Variants in ERCC3 observed in about 807,000 individuals in gnomAD.
ERCC3 encodes the protein ERCC excision repair 3, TFIIH core complex helicase subunit.
In ERCC3, 66 loss-of-function variants were observed where a neutral mutation model predicts 94.2. The ratio of observed to expected loss-of-function variants is 0.70; its 90% CI spans 0.57 to 0.86. The LOEUF (loss-of-function observed/expected upper bound fraction) is 0.86, where lower values mean the gene tolerates loss of function less well. Among genes scored for constraint, ERCC3 ranks in the 40% least tolerant of loss-of-function variants. The pLI is 0.00. For missense variants in ERCC3, 829 were observed against 987.1 expected (o/e 0.84, Z 2.15); for synonymous variants, 349 against 369.1 (o/e 0.95, Z 0.63).
intron 12 of ERCC3, among the ~76,000 whole-genome samples, chr2:127,268,419 C>G (rs1339761756): frequency 6.6e-6 from 1 of 152,054 alleles, no homozygotes; most frequent in Non-Finnish European, 1.5e-5. Context: ...CCACCACACC[C>G]AGCTAGCTAA....
At chr2:127,262,306 A>G (rs944310794) in intron 12 of ERCC3, 1 of 152,270 alleles carries the variant, frequency 6.6e-6, no homozygotes, top group African/African-American at 2.4e-5. Flanking sequence ...CAGCCTGGCC[A>G]ACATGGTGAA....
chr2:127,262,963 G>A (rs1684241244), intron 12 of ERCC3: 1 of 152,138 alleles, frequency 6.6e-6, no homozygotes, highest in Non-Finnish European at 1.5e-5. Flanking sequence ...AACATCAGTT[G>A]GCTGCAGGTA....
rs371359477 is a variant in ERCC3 at position 127,279,123 on chromosome 2, A to G, written c.1730+50T>C. On this transcript the variant is annotated intron_variant, in intron 10 of 14. Coordinates refer to ENST00000285398, the MANE Select transcript of ERCC3 (RefSeq NM_000122.2). This position sits in a 1 kb window ranked among gnomAD's most constrained non-coding sequence, Gnocchi z 4.7. ...ACAACAGCCACCTTCTGCACTCTCA[A>G]TGGGGAAGAGAAACTGGCCTGGAGG... The G allele has an allele frequency of 2.0e-5, 26 of 1,278,404 alleles. No homozygotes were observed. Among genetic ancestry groups the G allele is most frequent in the Admixed American group, 5.1e-5 (3 of 58,866 alleles). 79.2% of individuals were successfully genotyped at this position (1,278,404 alleles called of 1,614,324 possible).
intron 10 of ERCC3, among the ~76,000 whole-genome samples, chr2:127,273,193 T>C (rs1684619447): frequency 6.6e-6 from 1 of 152,232 alleles, no homozygotes. Flanking sequence ...CTTTCCATTT[T>C]TCGTTTTCTT....
At chr2:127,293,888 C>A (rs939920359) in intron 1 of ERCC3, 166 bp downstream of exon 1, 14 of 1,526,168 alleles carry the variant, frequency 9.2e-6, no homozygotes, top group Non-Finnish European at 1.2e-5. Flanking sequence ...CGCTGGGCTG[C>A]GCCCAGGTCC....
chr2:127,276,756 C>T (rs1159056214), intron 10 of ERCC3, among the ~76,000 whole-genome samples: 1 of 106,326 alleles, frequency 9.4e-6, no homozygotes, highest in African/African-American at 3.7e-5. Context: ...ATACTGAGTG[C>T]CCATCACGAT....
rs371150720 is a variant in ERCC3 at position 127,286,630 on chromosome 2, C to G, written c.1342+73G>C. On this transcript the variant is annotated intron_variant, in intron 8 of 14. Transcript: ENST00000285398. ...CAGTTGGGTGGGCTACACAGCAGTC[C>G]CTTTCCCAACCTAACAACTGGAAAT... The G allele has an allele frequency of 3.8e-4, 542 of 1,440,934 alleles. 3 individuals carry two copies. The African/African-American group carries it at 7.2e-3, about 19-fold the overall frequency. 89.3% of individuals were successfully genotyped at this position (1,440,934 alleles called of 1,614,324 possible).
At chr2:127,266,004 A>G (rs566706773) in intron 12 of ERCC3, among the ~76,000 whole-genome samples, 12 of 151,762 alleles carry the variant, frequency 7.9e-5, no homozygotes, top group African/African-American at 2.9e-4. Flanking sequence ...GTTTCAAATA[A>G]TTTTTGATTC....
chr2:127,271,857 T>C lies in ERCC3; in HGVS notation c.1828-404A>G, dbSNP rs1372724338. ...ACTGACACCAGCAGCACACGTGGGA[T>C]GTGACCTGGGAGGAACAACTGCCCC... On this transcript the variant is annotated intron_variant, in intron 11 of 14. Transcript: ENST00000285398. This position sits in a 1 kb window ranked among gnomAD's most constrained non-coding sequence, Gnocchi z 5.0. Among the ~76,000 whole-genome samples the C allele has an allele frequency of 1.3e-5, 2 of 152,142 alleles. No homozygotes were observed. Among genetic ancestry groups the C allele is most frequent in the Non-Finnish European group, 2.9e-5 (2 of 68,040 alleles).
chr2:127,275,700 G>A (rs1167201997), intron 10 of ERCC3, among the ~76,000 whole-genome samples: 1 of 152,214 alleles, frequency 6.6e-6, no homozygotes, highest in African/African-American at 2.4e-5. Context: ...TATAGGAACT[G>A]TCTCATTGCC....
At chr2:127,293,299 G>A (rs1685341539) in intron 2 of ERCC3, among the ~76,000 whole-genome samples, 1 of 152,226 alleles carries the variant, frequency 6.6e-6, no homozygotes, top group Admixed American at 6.5e-5. Flanking sequence ...TAAACCGAGG[G>A]GTTAGAGCTG....
In ERCC3 at chr2:127,271,391, A is replaced by G; in HGVS notation, c.1890T>C (p.Gly630=). 1 of 1,614,148 alleles carries G rather than the reference A, an allele frequency of 6.2e-7. No homozygotes were observed. Among genetic ancestry groups the G allele is most frequent in the Non-Finnish European group, 8.5e-7 (1 of 1,180,008 alleles). Reference sequence around the variant, plus strand: ...TTTGGGCTTCCTGACGCCTGGAGCCACCATGGGATGAGATCTGAATGAGGA... The same window carrying G: ...TTTGGGCTTCCTGACGCCTGGAGCCGCCATGGGATGAGATCTGAATGAGGA... ...ANVLIQISSH[G]GSRRQEAQRL... is the part of the protein sequence containing the mutation. Residue 630 remains glycine (G), a synonymous_variant, in exon 12 of 15, where the codon GGT becomes GGC. Transcript: ENST00000285398. The surrounding 1 kb of genome is among the most constrained non-coding windows in gnomAD (Gnocchi z 5.0).
chr2:127,288,991 G>C, intron 6 of ERCC3, 127 bp from the exon 7 acceptor site: 2 of 856,222 alleles, frequency 2.3e-6, no homozygotes, highest in Non-Finnish European at 4.0e-6. Flanking sequence ...TTTAGATCTT[G>C]CTCAGTCAAC....
intron 3 of ERCC3, chr2:127,290,510 T>C (rs1685231808): frequency 5.2e-6 from 3 of 582,408 alleles, no homozygotes; most frequent in South Asian, 2.0e-5. Context: ...TCCATTAAGT[T>C]ATAAAACGCT....
Position 127,274,040 on chromosome 2 carries a change from G to C in ERCC3, c.1731-1079C>G, listed in dbSNP as rs138126984. ...TAAAAAAAAAAAAATCCAGCCAGGC[G>C]CGGTGGCTCACACCTGTAATCCCAG... On this transcript the variant is annotated intron_variant, in intron 10 of 14. Coordinates refer to ENST00000285398, the MANE Select transcript of ERCC3 (RefSeq NM_000122.2). The surrounding 1 kb of genome is among the most constrained non-coding windows in gnomAD (Gnocchi z 4.0). Among the ~76,000 whole-genome samples, 2 of 151,016 alleles carry C rather than the reference G, an allele frequency of 1.3e-5. No individual in the cohort carries two copies. The highest frequency in any genetic ancestry group is 2.9e-5 in the Non-Finnish European group (2 of 67,864).
At chr2:127,261,399 A>C in intron 12 of ERCC3, 53 bp from the exon 13 acceptor site, 1 of 1,128,192 alleles carries the variant, frequency 8.9e-7, no homozygotes, top group Non-Finnish European at 1.4e-6. Flanking sequence ...AGCCATTAGA[A>C]TGCCAAGAGC....
At chr2:127,263,705 CT>C (rs869251137) in intron 12 of ERCC3, among the ~76,000 whole-genome samples, 74 of 88,754 alleles carry the variant, frequency 8.3e-4, no homozygotes, top group Middle Eastern at 5.6e-3. Flanking sequence ...TGTTCCAGTT[CT>C]TTTTTTTTTT....
At chr2:127,273,650 G>A (rs1373984733) in intron 10 of ERCC3, among the ~76,000 whole-genome samples, 2 of 149,220 alleles carry the variant, frequency 1.3e-5, no homozygotes, top group African/African-American at 5.0e-5. Flanking sequence ...TCGGGAGGCT[G>A]AGGCAGGAGA....
intron 8 of ERCC3, among the ~76,000 whole-genome samples, chr2:127,286,170 G>A (rs1234996137): frequency 6.6e-6 from 1 of 152,138 alleles, no homozygotes. Context: ...AAAGGAAGAT[G>A]GAGGAAAGAA....
Sources: allele counts gnomAD v4.1 joint callset (sites outside exome capture counted in the v4.1 genomes callset), GRCh38; gene constraint gnomAD v4.1.1; non-coding constraint Gnocchi (gnomAD v3.1); transcripts MANE v1.5; gene names NCBI Gene and HGNC (gene_info 2026-07-23, HGNC 2026-07-21).